CNTN6: variants seen among roughly 807,000 people sequenced by gnomAD.
CNTN6 encodes the protein contactin 6.
Under a neutral mutation model 122.8 loss-of-function variants are expected in CNTN6, and 137 were observed. That is an observed-to-expected ratio of 1.12 (90% CI 0.97 to 1.29). CNTN6 has a LOEUF of 1.29. Ranked by LOEUF, CNTN6 falls within the 50% of genes most tolerant of loss-of-function variation. The probability of loss-of-function intolerance (pLI) is 0.00; values close to 1 mark genes in which losing one functional copy is unlikely to be tolerated. For synonymous variants in CNTN6, 570 were observed against 426.0 expected (o/e 1.34, Z -4.16); for missense variants, 1,634 against 1,223.4 (o/e 1.34, Z -5.01).
At chr3:1,369,504 A>C (rs1343908213) in intron 12 of CNTN6, among the ~76,000 whole-genome samples, 1 of 152,122 alleles carries the variant, frequency 6.6e-6, no homozygotes, top group East Asian at 1.9e-4. Flanking sequence ...TGAAAAATGT[A>C]ACCATTATAA....
intron 1 of CNTN6, among the ~76,000 whole-genome samples, chr3:1,117,757 T>C (rs1244867177): frequency 1.3e-5 from 2 of 152,130 alleles, no homozygotes; most frequent in East Asian, 3.9e-4. Flanking sequence ...CAACAAGTGA[T>C]TTAATGTTCC....
chr3:1,373,884 T>G (rs2126144957), intron 15 of CNTN6, 40 bp from the exon 16 acceptor site: 1 of 1,546,416 alleles, frequency 6.5e-7, no homozygotes, highest in Non-Finnish European at 8.7e-7. Flanking sequence ...TGTTTTTGAG[T>G]AGTCCCAACC....
At chr3:1,319,185 G>A (rs1423405424) in intron 7 of CNTN6, among the ~76,000 whole-genome samples, 2 of 151,572 alleles carry the variant, frequency 1.3e-5, no homozygotes, top group African/African-American at 2.4e-5. Context: ...TTAGGTTTGT[G>A]CAAAAGTAAT....
chr3:1,180,512 T>C (rs1004963598), intron 2 of CNTN6, among the ~76,000 whole-genome samples: 1 of 152,242 alleles, frequency 6.6e-6, no homozygotes, highest in African/African-American at 2.4e-5. Flanking sequence ...ATTTTTAAAA[T>C]CCAGGTTTAC....
chr3:1,290,279 C>T (rs1466490093), intron 5 of CNTN6, among the ~76,000 whole-genome samples: 1 of 152,188 alleles, frequency 6.6e-6, no homozygotes, highest in African/African-American at 2.4e-5. Flanking sequence ...TTTCACATGG[C>T]AGTTTAACTT....
chr3:1,114,047 AAG>A (rs1559338599), intron 1 of CNTN6, among the ~76,000 whole-genome samples: 1 of 152,188 alleles, frequency 6.6e-6, no homozygotes, highest in African/African-American at 2.4e-5. Flanking sequence ...TCAAAAGAGA[AAG>A]AGATGATTTC....
intron 10 of CNTN6, among the ~76,000 whole-genome samples, 166 bp from the exon 11 acceptor site, chr3:1,329,619 C>T (rs1702011124): frequency 6.6e-6 from 1 of 151,780 alleles, no homozygotes; most frequent in Non-Finnish European, 1.5e-5. Flanking sequence ...AACATAAACT[C>T]TAAAATGTTA....
chr3:1,209,281 C>T (rs1575243954), intron 2 of CNTN6, among the ~76,000 whole-genome samples: 1 of 152,284 alleles, frequency 6.6e-6, no homozygotes, highest in East Asian at 1.9e-4. Flanking sequence ...GCTAGAGTAA[C>T]ATAAAGATAA....
intron 5 of CNTN6, among the ~76,000 whole-genome samples, chr3:1,279,379 C>CACTA (rs10629558): frequency 0.9 from 136,377 of 152,016 alleles, 61,233 homozygotes; most frequent in East Asian, 0.98. Flanking sequence ...ACCAATATCA[C>CACTA]ACTATATTAT....
intron 2 of CNTN6, among the ~76,000 whole-genome samples, chr3:1,182,522 T>C (rs1214999699): frequency 6.6e-6 from 1 of 152,100 alleles, no homozygotes; most frequent in Non-Finnish European, 1.5e-5. Context: ...GTGAGTATTC[T>C]CTTGGTTTAA....
intron 1 of CNTN6, among the ~76,000 whole-genome samples, chr3:1,133,831 T>C (rs934251748): frequency 6.6e-6 from 1 of 152,136 alleles, no homozygotes; most frequent in African/African-American, 2.4e-5. Flanking sequence ...CTCATATTCT[T>C]CTTTCCTTCC....
rs549118088 is a variant in CNTN6 at position 1,248,687 on chromosome 3, G to C, written c.358+20694G>C. 2.0e-5 allele frequency among the ~76,000 whole-genome samples: 3 copies of C among 152,106 alleles called. No homozygotes were observed. In the South Asian group the frequency reaches 6.2e-4, roughly 32 times the overall value. On this transcript the variant is annotated intron_variant, in intron 4 of 22. Transcript: ENST00000446702. ...ATACAAAAATTAGCCAGGTGTGGTG[G>C]TGGGCGCCTGTAATCCCAGCTACTT...
chr3:1,237,829 CTT>C (rs1559572838), intron 4 of CNTN6, among the ~76,000 whole-genome samples: 2 of 152,132 alleles, frequency 1.3e-5, no homozygotes, highest in Non-Finnish European at 1.5e-5. Context: ...AAGACACAGT[CTT>C]TTCCAGACAA....
intron 11 of CNTN6, among the ~76,000 whole-genome samples, chr3:1,350,453 T>C (rs1705449750): frequency 6.6e-6 from 1 of 151,886 alleles, no homozygotes; most frequent in East Asian, 1.9e-4. Flanking sequence ...ATTTTAACTT[T>C]TCTTAGTTTG....
chr3:1,232,913 A>G (rs1011792903), intron 4 of CNTN6, among the ~76,000 whole-genome samples: 1 of 152,188 alleles, frequency 6.6e-6, no homozygotes, highest in African/African-American at 2.4e-5. Flanking sequence ...GGTCGGAAGA[A>G]CAGTAAGAGG....
intron 5 of CNTN6, among the ~76,000 whole-genome samples, chr3:1,290,592 C>T (rs1695166105): frequency 1.3e-5 from 2 of 152,058 alleles, no homozygotes; most frequent in Admixed American, 6.6e-5. Flanking sequence ...TCAGGGCGTG[C>T]CCATAGATTA....
intron 4 of CNTN6, among the ~76,000 whole-genome samples, chr3:1,233,469 C>G (rs1269584812): frequency 1.3e-5 from 2 of 152,102 alleles, no homozygotes; most frequent in African/African-American, 4.8e-5. Flanking sequence ...GGCGCGGTGG[C>G]TCACGCCTGT....
chr3:1,215,838 T>A (rs1211155211), intron 2 of CNTN6, among the ~76,000 whole-genome samples: 1 of 131,838 alleles, frequency 7.6e-6, no homozygotes, highest in Admixed American at 7.7e-5. Context: ...CTGGGAACAA[T>A]TTTTTTTCTC....
chr3:1,294,269 A>G (rs1317097445), intron 5 of CNTN6, among the ~76,000 whole-genome samples: 1 of 152,210 alleles, frequency 6.6e-6, no homozygotes, highest in Admixed American at 6.5e-5. Flanking sequence ...TCCACAATAT[A>G]ATGGAAGAAA....
Sources: allele counts gnomAD v4.1 joint callset (sites outside exome capture counted in the v4.1 genomes callset), GRCh38; gene constraint gnomAD v4.1.1; transcripts MANE v1.5; gene names NCBI Gene and HGNC (gene_info 2026-07-23, HGNC 2026-07-21).